Variants in CABIN1 observed in about 807,000 individuals in gnomAD.
CABIN1 encodes calcineurin-binding protein cabin-1.
Under a neutral mutation model 227.7 loss-of-function variants are expected in CABIN1, and 133 were observed. The ratio of observed to expected loss-of-function variants is 0.58; its 90% CI spans 0.51 to 0.67. The LOEUF (loss-of-function observed/expected upper bound fraction) is 0.67, where lower values mean the gene tolerates loss of function less well. CABIN1 is among the 30% of genes least tolerant of loss of function. CABIN1 has a pLI of 0.00. For missense variants in CABIN1, 2,408 were observed against 2,852.5 expected, an observed-to-expected ratio of 0.84 and a Z score of 3.55; for synonymous variants, 1,086 against 1,155.1, an observed-to-expected ratio of 0.94 and a Z score of 1.21.
intron 29 of CABIN1, among the ~76,000 whole-genome samples, chr22:24,148,337 C>T (rs1292224543): frequency 6.6e-6 from 1 of 152,218 alleles, no homozygotes; most frequent in Non-Finnish European, 1.5e-5. Context: ...CTACCCCAGA[C>T]TCTCTAAGGG....
chr22:24,110,573 T>C (rs1453406490), intron 26 of CABIN1, among the ~76,000 whole-genome samples: 1 of 152,246 alleles, frequency 6.6e-6, no homozygotes, highest in Non-Finnish European at 1.5e-5. Context: ...CCTTTAACAT[T>C]TCTTGTAACT....
chr22:24,020,136 G>T (rs1277370448), intron 1 of CABIN1, among the ~76,000 whole-genome samples: 1 of 151,998 alleles, frequency 6.6e-6, no homozygotes, highest in Non-Finnish European at 1.5e-5. Context: ...TTGGCTTTAG[G>T]ACTAAGGTGT....
chr22:24,106,451 CCAAA>C (rs1419073922), intron 26 of CABIN1, among the ~76,000 whole-genome samples: 4 of 152,342 alleles, frequency 2.6e-5, no homozygotes, highest in Middle Eastern at 3.4e-3. Flanking sequence ...ACACCACAGT[CCAAA>C]CAACCCTCCC....
intron 26 of CABIN1, among the ~76,000 whole-genome samples, chr22:24,098,681 G>T (rs925614899): frequency 6.6e-6 from 1 of 152,124 alleles, no homozygotes; most frequent in African/African-American, 2.4e-5. Flanking sequence ...GTTAATGGGG[G>T]TCACCTGGGA....
intron 33 of CABIN1, chr22:24,170,102 C>A (rs565604522): frequency 4.6e-5 from 21 of 456,118 alleles, no homozygotes; most frequent in African/African-American, 4.2e-4. Flanking sequence ...CCCTAATGAC[C>A]CTCAGACCTA....
At chr22:24,131,309 A>G (rs1157568970) in intron 28 of CABIN1, among the ~76,000 whole-genome samples, 1 of 152,232 alleles carries the variant, frequency 6.6e-6, no homozygotes, top group Non-Finnish European at 1.5e-5. Flanking sequence ...CCCCAGAAGC[A>G]GCTCTGGGGT....
rs779716016 is a variant in CABIN1, at chr22:24,041,250, A to G, written c.322A>G (p.Thr108Ala). ...QLAAQREDLETAMEFYLEAVM... is the reference protein window; with the variant it reads ...QLAAQREDLEAAMEFYLEAVM... ...GGCAGCCCAGCGGGAGGATCTGGAG[A>G]CAGCCATGGAGTTCTACTTAGAGGT... The change falls in exon 5 of 37, where the codon ACA becomes GCA. Residue 108 changes from threonine to alanine, a missense_variant. Around this residue, in one of 3 missense-constraint regions of CABIN1, gnomAD observed 1,045 missense variants for 1,168.4 expected, o/e 0.89. Coordinates refer to ENST00000263119, the MANE Select transcript of CABIN1 (RefSeq NM_012295.4). 6.2e-7 allele frequency: 1 copy of G among 1,614,208 alleles called. No homozygotes were observed. Among genetic ancestry groups the G allele is most frequent in the South Asian group, 1.1e-5 (1 of 91,082 alleles).
In CABIN1 at chr22:24,145,469, C is replaced by T. The variant is rs548481158; in HGVS notation, c.4746+11054C>T. Among the ~76,000 whole-genome samples the T allele has an allele frequency of 9.8e-4, 150 of 152,304 alleles. 1 individual carries two copies. The highest frequency in any genetic ancestry group is 2.9e-3 in the Admixed American group (44 of 15,300). ...GAGACAGGCACACAGCAAGTTTGCA[C>T]CTGAGCCAGGATTTAGGTGTTCTGA... On this transcript the variant is annotated intron_variant, in intron 29 of 36. Coordinates refer to ENST00000263119, the MANE Select transcript of CABIN1 (RefSeq NM_012295.4).
chr22:24,127,889 C>T lies in CABIN1; in HGVS notation c.4633-6413C>T, dbSNP rs1946413166. On this transcript the variant is annotated intron_variant, in intron 28 of 36. Transcript: ENST00000263119. ...ATGAGTATATATGAATAACGTAGAA[C>T]AGAGTTCCCTCCTGAGGCACTATTG... Among the ~76,000 whole-genome samples, 4 of 151,948 alleles carry T rather than the reference C, an allele frequency of 2.6e-5. No homozygotes were observed. In the South Asian group the frequency reaches 6.2e-4, roughly 24 times the overall value.
intron 19 of CABIN1, among the ~76,000 whole-genome samples, chr22:24,082,623 T>C (rs1158786620): frequency 3.9e-5 from 6 of 152,244 alleles, no homozygotes; most frequent in African/African-American, 1.4e-4. Flanking sequence ...GAAAATAATG[T>C]GTATTTGCTA....
rs374930702 is a variant in CABIN1, at chr22:24,166,898, G to T, written c.5267G>T (p.Gly1756Val). 1 of 1,608,808 alleles carries T rather than the reference G, an allele frequency of 6.2e-7. No individual in the cohort carries two copies. The highest frequency in any genetic ancestry group is 1.3e-5 in the African/African-American group (1 of 74,844). Residue 1756 changes from glycine to valine, a missense_variant, in exon 32 of 37, where the codon GGG becomes GTG. Gly to Val is a moderately radical substitution (Grantham distance 109). This residue lies in a region of CABIN1 where 714 missense variants were observed against 773.8 expected (regional missense o/e 0.92). Coordinates refer to ENST00000263119, the MANE Select transcript of CABIN1 (RefSeq NM_012295.4). ...ERKDKESPRA[G>V]PTEPMDTSEA... ...AAGGATAAAGAGAGCCCACGGGCAG[G>T]GCCCACTGAGCCCATGGACACGAGT...
rs1210488239 is a variant in CABIN1, at chr22:24,035,527, A to G, written c.3+7A>G. On this transcript the variant is annotated splice_region_variant and intron_variant, in intron 2 of 36. Coordinates refer to ENST00000263119, the MANE Select transcript of CABIN1 (RefSeq NM_012295.4). ...CTGAATCTCTCTGAATATGGTAAGG[A>G]CTGATGCCTGCCTATTTTGCGGACC... is the stretch of plus-strand genomic sequence containing the variant. 7.4e-6 allele frequency: 12 copies of G among 1,613,932 alleles called. No homozygotes were observed. The highest frequency in any genetic ancestry group is 1.1e-5 in the South Asian group (1 of 91,076).
intron 1 of CABIN1, among the ~76,000 whole-genome samples, chr22:24,024,643 T>A (rs2035954834): frequency 1.3e-5 from 2 of 152,244 alleles, no homozygotes; most frequent in Non-Finnish European, 2.9e-5. Context: ...GATACTCATA[T>A]GATACATACG....
chr22:24,156,145 C>T, intron 29 of CABIN1: 1 of 395,084 alleles, frequency 2.5e-6, no homozygotes, highest in Admixed American at 4.4e-5. Flanking sequence ...GGCTGCGCAA[C>T]CGCTTCGCCT....
intron 29 of CABIN1, among the ~76,000 whole-genome samples, chr22:24,153,120 C>G (rs2045590072): frequency 6.6e-6 from 1 of 152,188 alleles, no homozygotes; most frequent in Non-Finnish European, 1.5e-5. Flanking sequence ...AGAAGCCCAC[C>G]ACCACTGGGG....
At chr22:24,079,072 G>T (rs544563510) in intron 19 of CABIN1, among the ~76,000 whole-genome samples, 1 of 152,198 alleles carries the variant, frequency 6.6e-6, no homozygotes, top group African/African-American at 2.4e-5. Context: ...TCTATTGTGT[G>T]AGTATATCAT....
chr22:24,049,738 C>G (rs2070466), intron 7 of CABIN1, among the ~76,000 whole-genome samples: 2,616 of 152,220 alleles, frequency 0.017, 86 homozygotes, highest in East Asian at 0.14. Context: ...TTAAGACTGC[C>G]CCAAGTCCCT....
rs1213622926 is a variant in CABIN1 at position 24,035,429 on chromosome 22, C to G, written c.-74-15C>G. The stretch of plus-strand genomic sequence containing the variant: ...TTCATAGGCCTTGTCTCAGTTTGTC[C>G]TATTTCCTTTCTAGGAGAGTTGTGG... On this transcript the variant is annotated splice_polypyrimidine_tract_variant and intron_variant, in intron 1 of 36. Coordinates refer to ENST00000263119, the MANE Select transcript of CABIN1 (RefSeq NM_012295.4). 6.4e-7 allele frequency: 1 copy of G among 1,565,294 alleles called. No homozygotes were observed. Among genetic ancestry groups the G allele is most frequent in the East Asian group, 2.2e-5 (1 of 44,634 alleles).
intron 3 of CABIN1, among the ~76,000 whole-genome samples, chr22:24,037,887 T>G (rs1451001761): frequency 6.6e-6 from 1 of 152,082 alleles, no homozygotes; most frequent in Non-Finnish European, 1.5e-5. Flanking sequence ...CCCTACCCCT[T>G]TTAGATTTGA....
Sources: gnomAD v4.1 joint callset for allele counts (sites outside exome capture counted in the v4.1 genomes callset) on GRCh38, gnomAD v4.1.1 for gene constraint, gnomAD v4.1.1 regional missense constraint, MANE v1.5 for transcripts, NCBI Gene and HGNC (gene_info 2026-07-23, HGNC 2026-07-21) for gene names.